SLC9A7: variants seen among roughly 807,000 people sequenced by gnomAD.
The protein encoded by SLC9A7 is solute carrier family 9 member A7.
In SLC9A7, 19 loss-of-function variants were observed where a neutral mutation model predicts 52.6. That is an observed-to-expected ratio of 0.36 (90% CI 0.25 to 0.53). The LOEUF (loss-of-function observed/expected upper bound fraction) is 0.53. Among genes scored for constraint, SLC9A7 ranks in the 20% least tolerant of loss-of-function variants. The probability of loss-of-function intolerance (pLI) is 0.91; values close to 1 mark genes in which losing one functional copy is unlikely to be tolerated. For synonymous variants in SLC9A7, 226 were observed against 252.1 expected, an observed-to-expected ratio of 0.90 and a Z score of 0.98; for missense variants, 455 against 597.9, an observed-to-expected ratio of 0.76 and a Z score of 2.49.
chrX:46,607,462 A>C (rs1237562750), intron 16 of SLC9A7, among the ~76,000 whole-genome samples: 1 of 111,636 alleles, frequency 9.0e-6, no homozygotes, highest in East Asian at 2.8e-4. Context: ...AAGGGAAGAA[A>C]GGGAGACCAG....
intron 14 of SLC9A7, among the ~76,000 whole-genome samples, chrX:46,621,576 T>C (rs1192413253): frequency 9.0e-6 from 1 of 111,227 alleles, no homozygotes; most frequent in Non-Finnish European, 1.9e-5. Context: ...AAGGTACTTG[T>C]TTCCCCACCA....
At chrX:46,682,276 G>C in intron 2 of SLC9A7, 60 bp downstream of exon 2, 1 of 1,072,699 alleles carries the variant, frequency 9.3e-7, no homozygotes, top group Non-Finnish European at 1.3e-6. Flanking sequence ...ACAAGGTCAA[G>C]ACAAGTCAGG....
intron 1 of SLC9A7, among the ~76,000 whole-genome samples, chrX:46,737,671 A>G (rs891555778): frequency 2.7e-5 from 3 of 111,737 alleles, no homozygotes; most frequent in Non-Finnish European, 5.6e-5. Flanking sequence ...GAAAGATTGC[A>G]TCAAGCAAAT....
At chrX:46,672,934 A>G (rs1457919860) in intron 3 of SLC9A7, among the ~76,000 whole-genome samples, 1 of 112,330 alleles carries the variant, frequency 8.9e-6, no homozygotes, top group East Asian at 2.8e-4. Context: ...GTGTGTGAGT[A>G]GACCAATCAT....
intron 15 of SLC9A7, among the ~76,000 whole-genome samples, chrX:46,620,776 C>T (rs1461006934): frequency 8.9e-6 from 1 of 112,371 alleles, no homozygotes; most frequent in Non-Finnish European, 1.9e-5. Context: ...TAAGGATATG[C>T]AAACATTCCT....
intron 1 of SLC9A7, among the ~76,000 whole-genome samples, chrX:46,732,975 C>G (rs1945067377): frequency 8.9e-6 from 1 of 112,183 alleles, no homozygotes; most frequent in African/African-American, 3.2e-5. Flanking sequence ...CAGTACAGGA[C>G]ACATGGTATA....
chrX:46,671,538 G>A (rs976316497), intron 4 of SLC9A7, among the ~76,000 whole-genome samples: 3 of 111,106 alleles, frequency 2.7e-5, no homozygotes, highest in African/African-American at 9.8e-5. Flanking sequence ...CAAAGTGCTG[G>A]GATTACAGGC....
chrX:46,618,921 G>A (rs1434381657), intron 15 of SLC9A7, among the ~76,000 whole-genome samples: 2 of 101,568 alleles, frequency 2.0e-5, no homozygotes, highest in Non-Finnish European at 4.0e-5. Context: ...TCCAGCCTGG[G>A]TGACAGAGTG....
In SLC9A7 at chrX:46,758,942, CCAGCAGCAGCGGCAG is replaced by C. The variant is rs782071275; in HGVS notation, c.73_87del (p.Leu25_Leu29del). 1.1e-3 allele frequency: 1,223 copies of C among 1,096,414 alleles called. No individual in the cohort carries two copies. Among genetic ancestry groups the C allele is most frequent in the Admixed American group, 1.9e-3 (56 of 29,648 alleles). The allele number at this position is 1,096,414 out of a possible 1,213,427, so 90.4% of individuals were successfully genotyped here. ...GCGGCCGCGACTCGCAGCCCCCAAC[CCAGCAGCAGCGGCAG>C]CAGCAGCAGCCGCGGCGGCGGCGCC... On this transcript the variant is annotated inframe_deletion, in exon 1 of 17. Transcript: ENST00000616978.
At chrX:46,609,726 C>CA (rs754643432) in intron 16 of SLC9A7, among the ~76,000 whole-genome samples, 95 of 107,659 alleles carry the variant, frequency 8.8e-4, no homozygotes, top group South Asian at 1.6e-3. Context: ...CAAAAGAAAA[C>CA]AAAAAAAAAC....
At position 46,611,132 on chromosome X, in the gene SLC9A7, CCTA is replaced by C. The variant is rs376525075; in HGVS notation, c.1929+2154_1929+2156del. Among the ~76,000 whole-genome samples, 82 of 111,485 alleles carry C rather than the reference CCTA, an allele frequency of 7.4e-4. 1 individual carries two copies. In the South Asian group the frequency reaches 0.031, roughly 42 times the overall value. On this transcript the variant is annotated intron_variant, in intron 16 of 16. Transcript: ENST00000616978. ...TCTCCGATGATGTATGTAAAGGGCCCCTACTACCACTTTAGACAGCGGGCCAAA... is the reference window on the plus strand; with the variant it reads ...TCTCCGATGATGTATGTAAAGGGCCCCTACCACTTTAGACAGCGGGCCAAA...
chrX:46,755,779 G>A (rs112849715), intron 1 of SLC9A7, among the ~76,000 whole-genome samples: 6 of 104,363 alleles, frequency 5.7e-5, no homozygotes, highest in Admixed American at 1.0e-4. Context: ...CCGAGATTGC[G>A]CTACTGCATT....
rs149840388 is a variant in SLC9A7 at position 46,746,904 on chromosome X, T to C, written c.325+11801A>G. Reference sequence around the variant, plus strand: ...TGGAATCAACCTAAGTGCCCATTAATGGACGAATGAATAAAGAAAATGTGG... The same window carrying C: ...TGGAATCAACCTAAGTGCCCATTAACGGACGAATGAATAAAGAAAATGTGG... On this transcript the variant is annotated intron_variant, in intron 1 of 16. Coordinates refer to ENST00000616978, the MANE Select transcript of SLC9A7 (RefSeq NM_001257291.2). Among the ~76,000 whole-genome samples the C allele has an allele frequency of 2.0e-4, 22 of 112,578 alleles. No homozygotes were observed. The Middle Eastern group carries it at 0.018, about 93-fold the overall frequency.
intron 7 of SLC9A7, among the ~76,000 whole-genome samples, chrX:46,658,211 G>A (rs1465694988): frequency 1.8e-3 from 148 of 84,253 alleles, no homozygotes; most frequent in African/African-American, 5.4e-3. Flanking sequence ...TCTCTGGGAC[G>A]CATTCAAAGC....
intron 1 of SLC9A7, among the ~76,000 whole-genome samples, chrX:46,723,004 C>T (rs906501319): frequency 1.8e-5 from 2 of 111,305 alleles, no homozygotes; most frequent in Non-Finnish European, 3.8e-5. Context: ...AGCTGGAGTA[C>T]TGTGACAAAG....
At chrX:46,662,708 AT>A in intron 5 of SLC9A7, 65 bp from the exon 6 acceptor site, 1 of 834,486 alleles carries the variant, frequency 1.2e-6, no homozygotes, top group South Asian at 2.3e-5. Flanking sequence ...CTGATTACAG[AT>A]TTATAGAGGC....
chrX:46,743,904 C>T (rs1921547306), intron 1 of SLC9A7, among the ~76,000 whole-genome samples: 2 of 111,947 alleles, frequency 1.8e-5, no homozygotes, highest in Admixed American at 1.9e-4. Context: ...GTATGTCACA[C>T]CCAAGTTCCA....
rs1413970030 is a variant in SLC9A7 at position 46,601,020 on chromosome X, C to T, written c.*5932G>A. 8.9e-6 allele frequency: 1 copy of T among 112,187 alleles called. No individual in the cohort carries two copies. The highest frequency in any genetic ancestry group is 3.2e-5 in the African/African-American group (1 of 30,849). 9.2% of individuals were successfully genotyped at this position (112,187 alleles called of 1,213,427 possible). ...TGTATATGAAAGACTTGTTCCTGAA[C>T]TAATTAATCTATAGAATCAACATCA... On this transcript the variant is annotated 3_prime_UTR_variant, in exon 17 of 17. Coordinates refer to ENST00000616978, the MANE Select transcript of SLC9A7 (RefSeq NM_001257291.2).
intron 1 of SLC9A7, among the ~76,000 whole-genome samples, chrX:46,700,067 C>T (rs966566280): frequency 2.8e-5 from 3 of 108,836 alleles, no homozygotes; most frequent in South Asian, 4.0e-4. Context: ...ATTGCACCAC[C>T]GCACTCCAGC....
Sources: allele counts gnomAD v4.1 joint callset (sites outside exome capture counted in the v4.1 genomes callset), GRCh38; gene constraint gnomAD v4.1.1; transcripts MANE v1.5; gene names NCBI Gene and HGNC (gene_info 2026-07-23, HGNC 2026-07-21).